Variants in MACROD2 observed in about 807,000 individuals in gnomAD.
MACROD2 encodes the protein ADP-ribose glycohydrolase MACROD2.
A neutral mutation model predicts 70.4 loss-of-function variants in MACROD2; 36 were observed. The ratio of observed to expected loss-of-function variants is 0.51; its 90% confidence interval spans 0.39 to 0.68. MACROD2 has a LOEUF of 0.68. MACROD2 is among the 30% of genes least tolerant of loss of function. MACROD2 has a pLI of 0.00. For synonymous variants in MACROD2, 172 were observed against 178.8 expected, an observed-to-expected ratio of 0.96 and a Z score of 0.30; for missense variants, 496 against 538.4, an observed-to-expected ratio of 0.92 and a Z score of 0.78.
chr20:14,642,614 G>C (rs1297262282), intron 4 of MACROD2, among the ~76,000 whole-genome samples: 2 of 152,194 alleles, frequency 1.3e-5, no homozygotes, highest in Non-Finnish European at 2.9e-5. Flanking sequence ...TTTCAATATT[G>C]TTGTGTCTCA....
chr20:14,267,981 TC>T (rs5840603), intron 3 of MACROD2, among the ~76,000 whole-genome samples: 93,981 of 151,872 alleles, frequency 0.62, 30,797 homozygotes, highest in Non-Finnish European at 0.74. Context: ...CCACCACTAC[TC>T]AAACACATTT....
intron 5 of MACROD2, among the ~76,000 whole-genome samples, chr20:14,941,125 G>T (rs1320609288): frequency 6.6e-6 from 1 of 152,032 alleles, no homozygotes; most frequent in Admixed American, 6.5e-5. Context: ...TTAGTAGATT[G>T]TATGTGTCTA....
rs188489249 is a variant in MACROD2 at position 15,281,703 on chromosome 20, C to T, written c.540+51642C>T. ...CCACCCAGCTGCTTTCATGGGCTGG[C>T]GTTGAGTGTCTGTGGCTTCTCCAGG... On this transcript the variant is annotated intron_variant, in intron 6 of 17. Transcript: ENST00000684519. 4.4e-3 allele frequency among the ~76,000 whole-genome samples: 676 copies of T among 152,270 alleles called. 7 individuals carry two copies. The highest frequency in any genetic ancestry group is 0.016 in the African/African-American group (646 of 41,558).
rs577035184 is a variant in MACROD2, at chr20:15,384,629, TA to T, written c.541-46775del. Among the ~76,000 whole-genome samples, 20 of 152,326 alleles carry T rather than the reference TA, an allele frequency of 1.3e-4. No individual in the cohort carries two copies. The East Asian group carries it at 3.9e-3, about 29-fold the overall frequency. Reference sequence around the variant, plus strand: ...CAATAAACATTTATTCAGCTCCTACTATATGCCGGGTGTTATATTAACGGCT... The same window carrying T: ...CAATAAACATTTATTCAGCTCCTACTTATGCCGGGTGTTATATTAACGGCT... On this transcript the variant is annotated intron_variant, in intron 6 of 17. Coordinates refer to ENST00000684519, the MANE Select transcript of MACROD2 (RefSeq NM_001351661.2).
intron 4 of MACROD2, among the ~76,000 whole-genome samples, chr20:14,647,656 T>C (rs1444460399): frequency 6.6e-6 from 1 of 152,076 alleles, no homozygotes; most frequent in Non-Finnish European, 1.5e-5. Flanking sequence ...CATTTCTAAA[T>C]GTACCCCAGC....
At chr20:14,770,824 A>T (rs923760171) in intron 5 of MACROD2, among the ~76,000 whole-genome samples, 1 of 151,908 alleles carries the variant, frequency 6.6e-6, no homozygotes, top group Non-Finnish European at 1.5e-5. Context: ...CCTGTGGTAG[A>T]TCTGGGATTT....
chr20:14,553,450 CTG>C (rs1469322484), intron 4 of MACROD2, among the ~76,000 whole-genome samples: 1 of 142,482 alleles, frequency 7.0e-6, no homozygotes, highest in Non-Finnish European at 1.5e-5. Flanking sequence ...GAATTATACT[CTG>C]AAACAGCAAT....
intron 6 of MACROD2, among the ~76,000 whole-genome samples, chr20:15,405,563 C>T (rs879328689): frequency 5.3e-5 from 8 of 152,152 alleles, no homozygotes; most frequent in Admixed American, 2.6e-4. Flanking sequence ...GCCTTGGAGT[C>T]TGAGCTCTAG....
intron 5 of MACROD2, among the ~76,000 whole-genome samples, chr20:14,749,527 A>G (rs1053857521): frequency 6.6e-6 from 1 of 152,130 alleles, no homozygotes; most frequent in African/African-American, 2.4e-5. Context: ...TTAATCTACT[A>G]TATCATGATT....
intron 3 of MACROD2, among the ~76,000 whole-genome samples, chr20:14,316,272 T>C (rs2082611088): frequency 6.6e-6 from 1 of 152,216 alleles, no homozygotes; most frequent in African/African-American, 2.4e-5. Context: ...CTCCAAGTCA[T>C]CATTCAGCAT....
chr20:14,352,651 T>A (rs1217737542), intron 3 of MACROD2, among the ~76,000 whole-genome samples: 1 of 152,196 alleles, frequency 6.6e-6, no homozygotes, highest in Non-Finnish European at 1.5e-5. Flanking sequence ...ATACATTGTA[T>A]GTTAATATTG....
Position 14,276,127 on chromosome 20 carries a change from G to T in MACROD2, c.271+190399G>T, listed in dbSNP as rs567088398. The stretch of plus-strand genomic sequence containing the variant: ...TTTGACCCAGCCATCCCATTACTGG[G>T]TGTATACCCAAAGGACTGTAAATCA... On this transcript the variant is annotated intron_variant, in intron 3 of 17. Transcript: ENST00000684519. 4.6e-5 allele frequency among the ~76,000 whole-genome samples: 7 copies of T among 152,234 alleles called. No homozygotes were observed. In the South Asian group the frequency reaches 1.2e-3, roughly 27 times the overall value.
intron 15 of MACROD2, among the ~76,000 whole-genome samples, chr20:16,029,075 G>A (rs994075818): frequency 4.6e-5 from 7 of 152,154 alleles, no homozygotes; most frequent in African/African-American, 9.7e-5. Flanking sequence ...ATAGACAGCC[G>A]TCTTCTCACC....
chr20:15,239,184 A>ATTTTT (rs113667803), intron 6 of MACROD2, among the ~76,000 whole-genome samples: 24,034 of 137,638 alleles, frequency 0.17, 2,339 homozygotes, highest in African/African-American at 0.25. Context: ...AAATGTTCAG[A>ATTTTT]TTTTTTTTTT....
chr20:15,876,360 A>G (rs1225070891), intron 9 of MACROD2, among the ~76,000 whole-genome samples: 1 of 151,722 alleles, frequency 6.6e-6, no homozygotes, highest in African/African-American at 2.4e-5. Context: ...GAGAATATGC[A>G]GTGTTTGTTT....
At chr20:15,810,708 A>T (rs138475703) in intron 8 of MACROD2, among the ~76,000 whole-genome samples, 1,923 of 152,336 alleles carry the variant, frequency 0.013, 51 homozygotes, top group African/African-American at 0.044. Flanking sequence ...TACAGTAACC[A>T]AAACAGCATG....
At chr20:15,662,057 A>G (rs1470473675) in intron 8 of MACROD2, among the ~76,000 whole-genome samples, 1 of 152,116 alleles carries the variant, frequency 6.6e-6, no homozygotes, top group Non-Finnish European at 1.5e-5. Context: ...CTCTTTACCC[A>G]CGCTGAAGTT....
At chr20:14,938,099 G>A (rs1226381981) in intron 5 of MACROD2, among the ~76,000 whole-genome samples, 1 of 150,884 alleles carries the variant, frequency 6.6e-6, no homozygotes, top group Non-Finnish European at 1.5e-5. Context: ...TTCATTGATG[G>A]ATACTTTGGT....
chr20:15,995,649 CTTTTTTT>C (rs71192310), intron 15 of MACROD2, among the ~76,000 whole-genome samples: 9 of 85,496 alleles, frequency 1.1e-4, no homozygotes, highest in South Asian at 5.8e-4. Context: ...TATGCCCGGC[CTTTTTTT>C]TTTTTTTTTT....
Sources: gnomAD v4.1 joint callset for allele counts (sites outside exome capture counted in the v4.1 genomes callset) on GRCh38, gnomAD v4.1.1 for gene constraint, MANE v1.5 for transcripts, NCBI Gene and HGNC (gene_info 2026-07-23, HGNC 2026-07-21) for gene names.